The following PHACTR3 variants were observed in gnomAD, a reference collection of about 807,000 sequenced individuals.
PHACTR3 encodes the protein protein phosphatase 1, regulatory subunit 123.
A neutral mutation model predicts 66.8 loss-of-function variants in PHACTR3; 16 were observed. The observed-to-expected ratio is 0.24, with a 90% CI of 0.16 to 0.36. The LOEUF is 0.36. Ranked by LOEUF, PHACTR3 falls within the 10% of genes least tolerant of loss-of-function variation. The probability of loss-of-function intolerance (pLI) is 1.00; values close to 1 mark genes in which losing one functional copy is unlikely to be tolerated. For synonymous variants in PHACTR3, 323 were observed against 292.1 expected, an observed-to-expected ratio of 1.11 and a Z score of -1.08; for missense variants, 647 against 719.9, an observed-to-expected ratio of 0.90 and a Z score of 1.16.
chr20:59,634,799 G>A (rs1016147770), intron 1 of PHACTR3, among the ~76,000 whole-genome samples: 8 of 152,226 alleles, frequency 5.3e-5, no homozygotes, highest in South Asian at 4.1e-4. Context: ...GGATTGCGCC[G>A]CTGGCCGCAG....
At chr20:59,707,670 G>A (rs758414853) in intron 1 of PHACTR3, among the ~76,000 whole-genome samples, 2 of 152,042 alleles carry the variant, frequency 1.3e-5, no homozygotes, top group Non-Finnish European at 2.9e-5. Context: ...TCACTATGTT[G>A]CCCAGGCTGG....
chr20:59,833,088 G>A (rs1249601931), intron 8 of PHACTR3, among the ~76,000 whole-genome samples: 1 of 152,180 alleles, frequency 6.6e-6, no homozygotes. Context: ...TCTGTAAGTA[G>A]AGAGGCAGGT....
chr20:59,762,115 T>C (rs1239604409), intron 4 of PHACTR3, among the ~76,000 whole-genome samples: 1 of 152,172 alleles, frequency 6.6e-6, no homozygotes, highest in Non-Finnish European at 1.5e-5. Context: ...GAAAACCGTC[T>C]CCTGTCCTTA....
chr20:59,743,834 G>T (rs767090442), intron 2 of PHACTR3, among the ~76,000 whole-genome samples: 4 of 152,192 alleles, frequency 2.6e-5, no homozygotes, highest in African/African-American at 9.7e-5. Flanking sequence ...AAAGACAGAG[G>T]CTGCTCCCCT....
chr20:59,601,663 C>T (rs1227051661), upstream of PHACTR3, among the ~76,000 whole-genome samples: 3 of 152,210 alleles, frequency 2.0e-5, no homozygotes, highest in African/African-American at 7.2e-5. Flanking sequence ...GGCAATTTAC[C>T]CGGAGACCTT....
At chr20:59,762,512 A>G (rs777862951) in intron 4 of PHACTR3, among the ~76,000 whole-genome samples, 10 of 152,220 alleles carry the variant, frequency 6.6e-5, no homozygotes, top group Non-Finnish European at 1.2e-4. Flanking sequence ...ATGGACAAGG[A>G]AGAAATGTGT....
intron 1 of PHACTR3, among the ~76,000 whole-genome samples, chr20:59,732,196 C>T (rs1253992820): frequency 6.6e-6 from 1 of 152,164 alleles, no homozygotes; most frequent in Non-Finnish European, 1.5e-5. Flanking sequence ...TCTCCCTATG[C>T]TAGAGTTCCA....
rs777316013 is a variant in PHACTR3 at position 59,787,741 on chromosome 20, C to CAG, written c.1174+13254_1174+13255dup. On this transcript the variant is annotated intron_variant, in intron 7 of 12. Coordinates refer to ENST00000371015, the MANE Select transcript of PHACTR3 (RefSeq NM_080672.5). ...CTGGGCTAGAGCTCAGGCTTTCAGA[C>CAG]AGAGCCTGACTTTTCCACACCCACT... Among the ~76,000 whole-genome samples, 89 of 152,290 alleles carry CAG rather than the reference C, an allele frequency of 5.8e-4. 1 individual carries two copies. Among genetic ancestry groups the CAG allele is most frequent in the Admixed American group, 1.0e-3 (16 of 15,308 alleles).
At chr20:59,757,864 C>T (rs540456414) in intron 4 of PHACTR3, among the ~76,000 whole-genome samples, 12 of 152,282 alleles carry the variant, frequency 7.9e-5, no homozygotes, top group East Asian at 3.9e-4. Flanking sequence ...TAGCTACTCA[C>T]GAAGCTGAGG....
intron 1 of PHACTR3, among the ~76,000 whole-genome samples, chr20:59,709,628 C>T (rs2146640480): frequency 6.6e-6 from 1 of 152,278 alleles, no homozygotes; most frequent in Non-Finnish European, 1.5e-5. Context: ...TTAGGAAGGG[C>T]AATTTGGTGA....
At chr20:59,836,814 T>C (rs2058976269) in intron 9 of PHACTR3, among the ~76,000 whole-genome samples, 1 of 152,194 alleles carries the variant, frequency 6.6e-6, no homozygotes, top group African/African-American at 2.4e-5. Flanking sequence ...TAGTCCCATA[T>C]GTCTAAGTGC....
At chr20:59,665,293 G>A (rs1466875316) in intron 1 of PHACTR3, among the ~76,000 whole-genome samples, 1 of 152,196 alleles carries the variant, frequency 6.6e-6, no homozygotes, top group East Asian at 1.9e-4. Context: ...AATGTCTGCA[G>A]TTAAATGCCC....
At chr20:59,742,438 G>T (rs1050701494) in intron 1 of PHACTR3, among the ~76,000 whole-genome samples, 1 of 143,888 alleles carries the variant, frequency 6.9e-6, no homozygotes. Flanking sequence ...GGGTCCAGGA[G>T]CACTGCTTCC....
intron 11 of PHACTR3, 117 bp from the exon 12 acceptor site, chr20:59,845,072 T>C: frequency 3.3e-6 from 2 of 612,850 alleles, no homozygotes; most frequent in East Asian, 3.0e-5. Context: ...TTTGTTTTTT[T>C]CTGTATATTA....
intron 7 of PHACTR3, among the ~76,000 whole-genome samples, chr20:59,786,807 G>A (rs1021898769): frequency 6.6e-6 from 1 of 151,122 alleles, no homozygotes; most frequent in East Asian, 1.9e-4. Context: ...GTTTACAGAA[G>A]TCTTTTTCTG....
intron 7 of PHACTR3, among the ~76,000 whole-genome samples, chr20:59,784,378 T>C (rs1326306729): frequency 1.3e-5 from 2 of 152,114 alleles, no homozygotes; most frequent in South Asian, 2.1e-4. Flanking sequence ...TGTATGCATA[T>C]GTATATGTGT....
At chr20:59,609,800 T>A (rs2033793553) in intron 1 of PHACTR3, among the ~76,000 whole-genome samples, 1 of 152,212 alleles carries the variant, frequency 6.6e-6, no homozygotes, top group Non-Finnish European at 1.5e-5. Context: ...CTACATGGCT[T>A]AATTAGTAGT....
intron 1 of PHACTR3, among the ~76,000 whole-genome samples, chr20:59,693,187 C>G (rs1204241899): frequency 1.3e-5 from 2 of 152,108 alleles, no homozygotes; most frequent in Non-Finnish European, 2.9e-5. Flanking sequence ...ATGAGAGATG[C>G]TTAGAGAATA....
intron 7 of PHACTR3, among the ~76,000 whole-genome samples, chr20:59,787,090 C>G (rs539578678): frequency 1.3e-5 from 2 of 152,342 alleles, no homozygotes; most frequent in African/African-American, 4.8e-5. Flanking sequence ...TGTTGCAAAA[C>G]CATGTCCCAG....
Sources: allele counts gnomAD v4.1 joint callset (sites outside exome capture counted in the v4.1 genomes callset), GRCh38; gene constraint gnomAD v4.1.1; transcripts MANE v1.5; gene names NCBI Gene and HGNC (gene_info 2026-07-23, HGNC 2026-07-21).